The following GPC5 variants were observed in gnomAD, a reference collection of about 807,000 sequenced individuals.
GPC5 encodes the protein glypican-5.
Under a neutral mutation model 53.9 loss-of-function variants are expected in GPC5, and 47 were observed. The ratio of observed to expected loss-of-function variants is 0.87; its 90% CI spans 0.69 to 1.11. The LOEUF is 1.11. Ranked by LOEUF, GPC5 falls within the 50% of genes most tolerant of loss-of-function variation. The probability of loss-of-function intolerance (pLI) is 0.00; values close to 1 mark genes in which losing one functional copy is unlikely to be tolerated. For missense variants in GPC5, 748 were observed against 713.1 expected, an observed-to-expected ratio of 1.05 and a Z score of -0.56; for synonymous variants, 286 against 263.3, an observed-to-expected ratio of 1.09 and a Z score of -0.84.
At chr13:92,674,629 A>C (rs1052416137) in intron 7 of GPC5, among the ~76,000 whole-genome samples, 1 of 151,924 alleles carries the variant, frequency 6.6e-6, no homozygotes, top group Non-Finnish European at 1.5e-5. Flanking sequence ...GCATATCATC[A>C]TACCATTATT....
intron 6 of GPC5, among the ~76,000 whole-genome samples, chr13:92,081,538 T>G (rs1330793525): frequency 6.6e-6 from 1 of 152,194 alleles, no homozygotes; most frequent in East Asian, 1.9e-4. Flanking sequence ...TACGTGAATT[T>G]GATTGTACTC....
intron 2 of GPC5, among the ~76,000 whole-genome samples, chr13:91,543,200 T>C (rs2030063780): frequency 6.6e-6 from 1 of 151,816 alleles, no homozygotes; most frequent in South Asian, 2.1e-4. Context: ...TCCATGTTGG[T>C]CAGACTGGTC....
chr13:92,008,155 C>T (rs1395290992), intron 6 of GPC5, among the ~76,000 whole-genome samples: 7 of 151,566 alleles, frequency 4.6e-5, no homozygotes, highest in South Asian at 2.1e-4. Flanking sequence ...CTCCGCCTCC[C>T]GGGTTCACGC....
At chr13:92,829,666 C>T (rs1004863229) in intron 7 of GPC5, among the ~76,000 whole-genome samples, 1 of 151,898 alleles carries the variant, frequency 6.6e-6, no homozygotes, top group Non-Finnish European at 1.5e-5. Context: ...GAAATTAATG[C>T]AAATATAAAT....
At chr13:92,733,918 C>T (rs1888872330) in intron 7 of GPC5, among the ~76,000 whole-genome samples, 1 of 151,668 alleles carries the variant, frequency 6.6e-6, no homozygotes, top group South Asian at 2.1e-4. Context: ...TTATTTAATA[C>T]ATTGGAAAAT....
intron 7 of GPC5, among the ~76,000 whole-genome samples, chr13:92,538,504 G>A (rs981629802): frequency 7.0e-6 from 1 of 142,776 alleles, no homozygotes; most frequent in Non-Finnish European, 1.5e-5. Context: ...GGATACATGT[G>A]CAGAATTTGC....
At chr13:91,856,548 A>T (rs1407163330) in intron 5 of GPC5, among the ~76,000 whole-genome samples, 1 of 151,516 alleles carries the variant, frequency 6.6e-6, no homozygotes, top group African/African-American at 2.4e-5. Flanking sequence ...TATTTACACA[A>T]AATTAAAGAT....
intron 7 of GPC5, among the ~76,000 whole-genome samples, chr13:92,488,929 G>C (rs1343014335): frequency 6.6e-6 from 1 of 152,112 alleles, no homozygotes; most frequent in African/African-American, 2.4e-5. Context: ...ACATTAGAAA[G>C]GGCTTTTTTA....
chr13:92,570,843 C>T (rs1231721293), intron 7 of GPC5, among the ~76,000 whole-genome samples: 2 of 151,916 alleles, frequency 1.3e-5, no homozygotes, highest in East Asian at 3.9e-4. Flanking sequence ...AGAGTTGATC[C>T]TCACAACAGC....
chr13:91,984,546 A>G (rs2138722733), intron 6 of GPC5, among the ~76,000 whole-genome samples: 1 of 152,322 alleles, frequency 6.6e-6, no homozygotes, highest in East Asian at 1.9e-4. Flanking sequence ...TAACATAAAT[A>G]TTGAATTTAT....
intron 7 of GPC5, among the ~76,000 whole-genome samples, chr13:92,398,054 T>C (rs1333143592): frequency 6.6e-6 from 1 of 152,166 alleles, no homozygotes; most frequent in Non-Finnish European, 1.5e-5. Context: ...GTCTGGATAA[T>C]AAGTTTTAGA....
At chr13:92,801,076 A>G (rs906238518) in intron 7 of GPC5, among the ~76,000 whole-genome samples, 2 of 151,724 alleles carry the variant, frequency 1.3e-5, no homozygotes, top group Non-Finnish European at 2.9e-5. Context: ...TAGGTATAAA[A>G]TGTATTTTAT....
chr13:92,329,926 T>G (rs1385340258), intron 7 of GPC5, among the ~76,000 whole-genome samples: 1 of 152,208 alleles, frequency 6.6e-6, no homozygotes, highest in African/African-American at 2.4e-5. Flanking sequence ...GTTTTTGAGT[T>G]AGAAGAGGCT....
chr13:92,490,463 T>C (rs1422525196), intron 7 of GPC5, among the ~76,000 whole-genome samples: 1 of 152,026 alleles, frequency 6.6e-6, no homozygotes, highest in Admixed American at 6.6e-5. Context: ...TTGCTATACA[T>C]TGTAAAGGGA....
chr13:92,735,121 C>T (rs1400359431), intron 7 of GPC5, among the ~76,000 whole-genome samples: 1 of 151,830 alleles, frequency 6.6e-6, no homozygotes, highest in Non-Finnish European at 1.5e-5. Flanking sequence ...AAAAAGCAGA[C>T]AAAATACAAA....
chr13:92,481,974 C>CA (rs1048408103), intron 7 of GPC5, among the ~76,000 whole-genome samples: 68 of 151,948 alleles, frequency 4.5e-4, no homozygotes, highest in Non-Finnish European at 7.7e-4. Context: ...ACTAAAAATA[C>CA]AAAAAAATTA....
intron 2 of GPC5, among the ~76,000 whole-genome samples, chr13:91,671,859 T>C (rs1222079671): frequency 5.1e-5 from 7 of 138,514 alleles, no homozygotes. Context: ...AAGGTTACAG[T>C]AACAAAAACA....
intron 2 of GPC5, among the ~76,000 whole-genome samples, chr13:91,590,988 A>G (rs2032775789): frequency 6.6e-6 from 1 of 152,070 alleles, no homozygotes; most frequent in Non-Finnish European, 1.5e-5. Context: ...TTGTTTTCTC[A>G]TCTGTAGTAT....
At chr13:92,691,783 T>TA (rs1186998525) in intron 7 of GPC5, among the ~76,000 whole-genome samples, 1 of 151,888 alleles carries the variant, frequency 6.6e-6, no homozygotes, top group Admixed American at 6.6e-5. Flanking sequence ...TTTTTTTTTT[T>TA]ATACCTTAAA....
Sources: allele counts gnomAD v4.1 joint callset (sites outside exome capture counted in the v4.1 genomes callset), GRCh38; gene constraint gnomAD v4.1.1; transcripts MANE v1.5; gene names NCBI Gene and HGNC (gene_info 2026-07-23, HGNC 2026-07-21).